DYSF: variants seen among roughly 807,000 people sequenced by gnomAD.
DYSF encodes dysferlin.
In DYSF, 212 loss-of-function variants were observed where a neutral mutation model predicts 274.9. That is an observed-to-expected ratio of 0.77 (90% CI 0.69 to 0.86). The LOEUF (loss-of-function observed/expected upper bound fraction) is 0.86. Ranked by LOEUF, DYSF falls within the 40% of genes least tolerant of loss-of-function variation. DYSF has a pLI of 0.00. For synonymous variants in DYSF, 1,091 were observed against 1,078.7 expected, an observed-to-expected ratio of 1.01 and a Z score of -0.22; for missense variants, 2,666 against 2,783.2, an observed-to-expected ratio of 0.96 and a Z score of 0.95.
At chr2:71,466,544 G>A (rs1287494449), upstream of DYSF, 1 of 703,794 alleles carries the variant, frequency 1.4e-6, no homozygotes, top group Non-Finnish European at 1.7e-6. Flanking sequence ...GCTGGGACCC[G>A]CGGAGCTAGG....
At chr2:71,649,321 G>T (rs1482139330) in intron 42 of DYSF, among the ~76,000 whole-genome samples, 1 of 151,988 alleles carries the variant, frequency 6.6e-6, no homozygotes, top group African/African-American at 2.4e-5. Context: ...ATAGAGTAAG[G>T]ACAATGATTG....
rs201241234 is a variant in DYSF, at chr2:71,650,047, ATATC to A, written c.4626+5988_4626+5991del. Among the ~76,000 whole-genome samples the A allele has an allele frequency of 5.9e-3, 896 of 152,354 alleles. 3 individuals are homozygous for A. The highest frequency in any genetic ancestry group is 0.027 in the Middle Eastern group (8 of 294). ...ATTCCAAGATATGACACTTATGAGA[ATATC>A]TATGTGCTAAATACTACAACATCAA... On this transcript the variant is annotated intron_variant, in intron 42 of 55. Coordinates refer to ENST00000410020, the MANE Select transcript of DYSF (RefSeq NM_001130987.2).
At position 71,629,994 on chromosome 2, in the gene DYSF, C is replaced by T. The variant is rs144499883; in HGVS notation, c.4527+9385C>T. Among the ~76,000 whole-genome samples the T allele has an allele frequency of 8.4e-3, 1,276 of 152,312 alleles. 7 individuals are homozygous for T. The highest frequency in any genetic ancestry group is 0.031 in the Middle Eastern group (9 of 294). On this transcript the variant is annotated intron_variant, in intron 41 of 55. Transcript: ENST00000410020. Reference sequence around the variant, plus strand: ...GCCATTTGTTTTCTTCTGCTTTTTACTCAACTCTTTAAGAGCATTGGGAGA... The same window carrying T: ...GCCATTTGTTTTCTTCTGCTTTTTATTCAACTCTTTAAGAGCATTGGGAGA...
rs1224444546 is a variant in DYSF at position 71,481,922 on chromosome 2, C to T, written c.191C>T (p.Ser64Phe). The T allele has an allele frequency of 1.2e-6, 2 of 1,614,002 alleles. No homozygotes were observed. Among genetic ancestry groups the T allele is most frequent in the African/African-American group, 2.7e-5 (2 of 74,904 alleles). ...AAGGGCATCCCCCTGGACCAGGGCT[C>T]TGAGCTTCATGTGGTGGTCAAAGAC... is the stretch of plus-strand genomic sequence containing the variant. ...DLKGIPLDQG[S>F]ELHVVVKDHE... The change falls in exon 3 of 56, where the codon TCT (serine) becomes TTT (phenylalanine). Residue 64 changes from serine to phenylalanine, a missense_variant. By Grantham distance (155) the Ser-to-Phe change is radical. This residue lies in a region of DYSF where 794 missense variants were observed against 777.1 expected (regional missense o/e 1.02). Coordinates refer to ENST00000410020, the MANE Select transcript of DYSF (RefSeq NM_001130987.2).
chr2:71,564,257 C>A (rs778127944), intron 24 of DYSF, 44 bp downstream of exon 24: 3 of 1,612,246 alleles, frequency 1.9e-6, no homozygotes, highest in Non-Finnish European at 2.5e-6. Context: ...TTTTTCCCAA[C>A]ATAAGGCCTT....
intron 46 of DYSF, 85 bp downstream of exon 46, chr2:71,664,523 A>G: frequency 6.5e-7 from 1 of 1,543,974 alleles, no homozygotes; most frequent in South Asian, 1.2e-5. Flanking sequence ...CTGAGCACTT[A>G]CTGTGTGCCA....
At chr2:71,667,137 T>C (rs2095028417) in intron 47 of DYSF, among the ~76,000 whole-genome samples, 2 of 152,166 alleles carry the variant, frequency 1.3e-5, no homozygotes, top group African/African-American at 2.4e-5. Flanking sequence ...ACAGGCTTGG[T>C]AGAAATGATG....
intron 3 of DYSF, among the ~76,000 whole-genome samples, chr2:71,502,378 A>G (rs1369274030): frequency 3.3e-5 from 5 of 151,882 alleles, no homozygotes; most frequent in African/African-American, 1.2e-4. Flanking sequence ...CCTGACAGTA[A>G]TGTTCAGGGT....
Position 71,553,796 on chromosome 2 carries a change from C to T in DYSF, c.1985-11C>T, listed in dbSNP as rs919654984. 7.2e-7 allele frequency: 1 copy of T among 1,385,656 alleles called. No individual in the cohort carries two copies. The highest frequency in any genetic ancestry group is 9.7e-7 in the Non-Finnish European group (1 of 1,030,368). The allele number at this position is 1,385,656 out of a possible 1,614,324, so 85.8% of individuals were successfully genotyped here. A position where few individuals can be genotyped will look rare whatever the true frequency, so the allele number is the denominator to read the frequency against. On this transcript the variant is annotated splice_polypyrimidine_tract_variant and intron_variant, in intron 20 of 55. Transcript: ENST00000410020. ...CCTGGCACAGCGCTCAGGCCCGTCT[C>T]TCCATTCCAGGGTGCCACTACTACT...
At chr2:71,664,179 C>T in intron 45 of DYSF, 89 bp from the exon 46 acceptor site, 2 of 1,557,252 alleles carry the variant, frequency 1.3e-6, no homozygotes, top group South Asian at 1.1e-5. Context: ...AAAGAAGACT[C>T]CCTGGGGTAG....
chr2:71,572,039 A>ACCCACAGATCACACCTAGCACT (rs1374291901), intron 29 of DYSF, among the ~76,000 whole-genome samples: 1 of 146,372 alleles, frequency 6.8e-6, no homozygotes, highest in Non-Finnish European at 1.5e-5. Flanking sequence ...CACCTAGCAC[A>ACCCACAGATCACACCTAGCACT]CCCACAGATC....
chr2:71,612,917 G>A (rs995938132), intron 39 of DYSF, 111 bp downstream of exon 39: 1 of 1,363,594 alleles, frequency 7.3e-7, no homozygotes, highest in African/African-American at 1.5e-5. Flanking sequence ...AGACCTGAAT[G>A]AGAAGTGGTT....
intron 4 of DYSF, among the ~76,000 whole-genome samples, chr2:71,511,374 C>G (rs981349208): frequency 1.3e-5 from 2 of 152,236 alleles, no homozygotes; most frequent in African/African-American, 4.8e-5. Context: ...GCCAAAGGGA[C>G]ATTTTCCTGA....
chr2:71,652,276 T>TA (rs2094678788), intron 42 of DYSF, among the ~76,000 whole-genome samples: 1 of 152,218 alleles, frequency 6.6e-6, no homozygotes. Context: ...CCATATCTTC[T>TA]AACCATTTCA....
intron 31 of DYSF, 126 bp downstream of exon 31, chr2:71,589,812 G>A (rs992040825): frequency 1.1e-6 from 1 of 948,120 alleles, no homozygotes; most frequent in Non-Finnish European, 1.7e-6. Flanking sequence ...GTGCTTTTTG[G>A]TGGGTCAGTG....
At chr2:71,676,503 T>C (rs1434580909) in intron 52 of DYSF, among the ~76,000 whole-genome samples, 1 of 152,176 alleles carries the variant, frequency 6.6e-6, no homozygotes, top group African/African-American at 2.4e-5. Context: ...TTGCAAATAA[T>C]TTCTCCCAAT....
Position 71,521,209 on chromosome 2 carries a change from A to G in DYSF, c.1149+305A>G, listed in dbSNP as rs146081788. Among the ~76,000 whole-genome samples, 662 of 152,290 alleles carry G rather than the reference A, an allele frequency of 4.3e-3. 3 individuals carry two copies. Among genetic ancestry groups the G allele is most frequent in the African/African-American group, 0.015 (614 of 41,550 alleles). On this transcript the variant is annotated intron_variant, in intron 12 of 55. Coordinates refer to ENST00000410020, the MANE Select transcript of DYSF (RefSeq NM_001130987.2). The stretch of plus-strand genomic sequence containing the variant: ...TTTTGCAACAGTGAGATTATTCTAT[A>G]TATATTATATTGTGACTTGAATTTC...
intron 36 of DYSF, among the ~76,000 whole-genome samples, chr2:71,606,469 A>G (rs1397720589): frequency 1.3e-5 from 2 of 152,154 alleles, no homozygotes; most frequent in Non-Finnish European, 2.9e-5. Flanking sequence ...TCTGCCCAGC[A>G]GTGCTGAGAG....
intron 51 of DYSF, among the ~76,000 whole-genome samples, chr2:71,673,111 T>G (rs1367125148): frequency 6.6e-6 from 1 of 152,152 alleles, no homozygotes; most frequent in Admixed American, 6.5e-5. Context: ...TCCAGGCCCT[T>G]GCTCTGACCC....
Sources: gnomAD v4.1 joint callset for allele counts (sites outside exome capture counted in the v4.1 genomes callset) on GRCh38, gnomAD v4.1.1 for gene constraint, gnomAD v4.1.1 regional missense constraint, MANE v1.5 for transcripts, NCBI Gene and HGNC (gene_info 2026-07-23, HGNC 2026-07-21) for gene names.